MOB3A: variants seen among roughly 807,000 people sequenced by gnomAD.
MOB3A encodes the protein MOB kinase activator 3A.
Under a neutral mutation model 17.8 loss-of-function variants are expected in MOB3A, and 17 were observed. That is an observed-to-expected ratio of 0.95 (90% CI 0.65 to 1.43). MOB3A has a LOEUF of 1.43. Ranked by LOEUF, MOB3A falls within the 40% of genes most tolerant of loss-of-function variation. The pLI is 0.00. For synonymous variants in MOB3A, 124 were observed against 133.2 expected, an observed-to-expected ratio of 0.93 and a Z score of 0.48; for missense variants, 333 against 310.8, an observed-to-expected ratio of 1.07 and a Z score of -0.54.
rs2017636697 is a variant in MOB3A at position 2,093,587 on chromosome 19, TCTG to T, written c.-274+2636_-274+2638del. On this transcript the variant is annotated intron_variant, in intron 1 of 4. Coordinates refer to ENST00000357066, the MANE Select transcript of MOB3A (RefSeq NM_130807.3). This position sits in a 1 kb window ranked among gnomAD's most constrained non-coding sequence, Gnocchi z 4.6. The stretch of plus-strand genomic sequence containing the variant: ...GTCTTGAATGCCTGACCTCAGGTGA[TCTG>T]CTCTCCTCGGCCTCCCAAAGTGCTG... Among the ~76,000 whole-genome samples, 1 of 152,170 alleles carries T rather than the reference TCTG, an allele frequency of 6.6e-6. No homozygotes were observed. Among genetic ancestry groups the T allele is most frequent in the Non-Finnish European group, 1.5e-5 (1 of 68,032 alleles).
chr19:2,086,814 C>T (rs1185954008), intron 1 of MOB3A, among the ~76,000 whole-genome samples: 1 of 150,124 alleles, frequency 6.7e-6, no homozygotes, highest in Non-Finnish European at 1.5e-5. Flanking sequence ...TTTTTAGAGA[C>T]AGGGTCTTGC....
chr19:2,076,571 G>A (rs1369235533), intron 4 of MOB3A, among the ~76,000 whole-genome samples: 2 of 152,348 alleles, frequency 1.3e-5, no homozygotes, highest in East Asian at 1.9e-4. Flanking sequence ...AGCTGGACGC[G>A]GGGCGGCGCG....
chr19:2,076,746 G>A (rs1444172828), intron 4 of MOB3A, 65 bp downstream of exon 4: 7 of 1,543,002 alleles, frequency 4.5e-6, no homozygotes, highest in Non-Finnish European at 6.2e-6. Context: ...GCCCCGGAAG[G>A]GTTCCTCTGC....
chr19:2,077,052 C>A (rs1224397755), intron 3 of MOB3A, 39 bp from the exon 4 acceptor site: 3 of 1,564,028 alleles, frequency 1.9e-6, no homozygotes, highest in Non-Finnish European at 1.7e-6. Flanking sequence ...CGGACTCAGC[C>A]AAGTCCATGT....
Position 2,080,969 on chromosome 19 carries a change from C to T in MOB3A, c.-119-2290G>A, listed in dbSNP as rs528487024. Among the ~76,000 whole-genome samples, 13 of 152,134 alleles carry T rather than the reference C, an allele frequency of 8.5e-5. No individual in the cohort carries two copies. In the South Asian group the frequency reaches 2.7e-3, roughly 32 times the overall value. ...CAGCCTGAGCAACATGGCAAGACCT[C>T]GTCTCTACAAAAAAATTTAAAAATT... is the stretch of plus-strand genomic sequence containing the variant. On this transcript the variant is annotated intron_variant, in intron 2 of 4. Coordinates refer to ENST00000357066, the MANE Select transcript of MOB3A (RefSeq NM_130807.3).
At chr19:2,087,950 C>T (rs1025200267) in intron 1 of MOB3A, among the ~76,000 whole-genome samples, 2 of 152,218 alleles carry the variant, frequency 1.3e-5, no homozygotes, top group African/African-American at 4.8e-5. Context: ...AACGTGGGGG[C>T]AGGAGCCATG....
At chr19:2,087,308 C>T (rs188552039) in intron 1 of MOB3A, among the ~76,000 whole-genome samples, 5 of 152,334 alleles carry the variant, frequency 3.3e-5, no homozygotes, top group African/African-American at 4.8e-5. Context: ...GCACGTTTGG[C>T]GTTGCGCAAA....
rs865877744 is a variant in MOB3A at position 2,078,359 on chromosome 19, A to G, written c.202T>C (p.Phe68Leu). 2 of 1,614,072 alleles carry G rather than the reference A, an allele frequency of 1.2e-6. No homozygotes were observed. The highest frequency in any genetic ancestry group is 2.2e-5 in the East Asian group (1 of 44,884). ...TAGATGAGGTTGACGCGGTTAAAGA[A>G]GTCCACCACGTGAACAGCCACCCAG... is the stretch of plus-strand genomic sequence containing the variant. The part of the protein sequence containing the change: ...NDWVAVHVVD[F>L]FNRVNLIYGT... Residue 68 changes from phenylalanine to leucine, a missense_variant, in exon 3 of 5, where the codon TTC becomes CTC. Transcript: ENST00000357066.
At chr19:2,088,656 G>C (rs1289033810) in intron 1 of MOB3A, among the ~76,000 whole-genome samples, 1 of 152,040 alleles carries the variant, frequency 6.6e-6, no homozygotes, top group East Asian at 1.9e-4. Context: ...TTTTAGTAGA[G>C]ACAGGGTTTC....
In MOB3A at chr19:2,088,720, G is replaced by A. The variant is rs974570270; in HGVS notation, c.-273-3392C>T. 2.0e-5 allele frequency among the ~76,000 whole-genome samples: 3 copies of A among 151,858 alleles called. 1 individual carries two copies. Among genetic ancestry groups the A allele is most frequent in the South Asian group, 2.1e-4 (1 of 4,810 alleles). On this transcript the variant is annotated intron_variant, in intron 1 of 4. Coordinates refer to ENST00000357066, the MANE Select transcript of MOB3A (RefSeq NM_130807.3). ...CCTGACCTCATGATCCGCCCGCCTC[G>A]ACCTCCCAAAGTGCTGGGATTACAG...
At position 2,079,633 on chromosome 19, in the gene MOB3A, C is replaced by T. The variant is rs367979342; in HGVS notation, c.-119-954G>A. ...GCCCCGCCCACACCTTCGTCTCAGA[C>T]GTGCAGCCCCAGAACTGAGAATGAG... On this transcript the variant is annotated intron_variant, in intron 2 of 4. Transcript: ENST00000357066. Among the ~76,000 whole-genome samples, 46 of 152,338 alleles carry T rather than the reference C, an allele frequency of 3.0e-4. No homozygotes were observed. In the East Asian group the frequency reaches 6.6e-3, roughly 22 times the overall value.
chr19:2,080,634 C>A (rs1568253499), intron 2 of MOB3A, among the ~76,000 whole-genome samples: 1 of 152,126 alleles, frequency 6.6e-6, no homozygotes, highest in Non-Finnish European at 1.5e-5. Context: ...ACCTTGGCCT[C>A]CAAAGTGCTG....
At chr19:2,087,024 C>G (rs1324495515) in intron 1 of MOB3A, among the ~76,000 whole-genome samples, 2 of 152,136 alleles carry the variant, frequency 1.3e-5, no homozygotes, top group Admixed American at 6.5e-5. Context: ...CTTCTGGAGT[C>G]AAGCGATCTT....
intron 1 of MOB3A, among the ~76,000 whole-genome samples, chr19:2,085,932 C>T (rs1461822159): frequency 7.3e-6 from 1 of 136,278 alleles, no homozygotes; most frequent in African/African-American, 2.8e-5. Flanking sequence ...CCACTGCACT[C>T]CAGCCTGGGC....
chr19:2,085,889 G>A (rs542012172), intron 1 of MOB3A, among the ~76,000 whole-genome samples: 11 of 147,276 alleles, frequency 7.5e-5, no homozygotes, highest in East Asian at 4.1e-4. Flanking sequence ...GCCTGAACCC[G>A]GGAGGCAGAG....
At chr19:2,096,137 A>G (rs1048436310) in intron 1 of MOB3A, 89 bp downstream of exon 1, 1 of 151,800 alleles carries the variant, frequency 6.6e-6, no homozygotes, top group Non-Finnish European at 1.5e-5. Context: ...CTTCCTGAGA[A>G]CTCGGTCTCC....
Position 2,078,349 on chromosome 19 carries a change from C to T in MOB3A, c.212G>A (p.Arg71His), listed in dbSNP as rs755574962. 3.1e-5 allele frequency: 50 copies of T among 1,612,316 alleles called. No homozygotes were observed. The highest frequency in any genetic ancestry group is 4.0e-5 in the Non-Finnish European group (47 of 1,178,954). ...GATGGTGCCGTAGATGAGGTTGACG[C>T]GGTTAAAGAAGTCCACCACGTGAAC... ...VAVHVVDFFN[R>H]VNLIYGTISD... The change falls in exon 3 of 5, where the codon CGC (arginine) becomes CAC (histidine). Residue 71 changes from arginine to histidine, a missense_variant. Transcript: ENST00000357066.
intron 4 of MOB3A, among the ~76,000 whole-genome samples, chr19:2,075,098 G>A (rs560911960): frequency 5.3e-5 from 8 of 150,894 alleles, no homozygotes; most frequent in South Asian, 4.2e-4. Flanking sequence ...GCGTGATCTC[G>A]GCTTACTGCA....
intron 1 of MOB3A, among the ~76,000 whole-genome samples, chr19:2,090,686 C>G (rs10406263): frequency 0.024 from 3,690 of 151,700 alleles, 145 homozygotes; most frequent in African/African-American, 0.084. Flanking sequence ...TTTTTTAAGA[C>G]GGAGTCTCGC....
Sources: allele counts gnomAD v4.1 joint callset (sites outside exome capture counted in the v4.1 genomes callset), GRCh38; gene constraint gnomAD v4.1.1; non-coding constraint Gnocchi (gnomAD v3.1); transcripts MANE v1.5; gene names NCBI Gene and HGNC (gene_info 2026-07-23, HGNC 2026-07-21).